The following PPCDC variants were observed in gnomAD, a reference collection of about 807,000 sequenced individuals.
The protein encoded by PPCDC is phosphopantothenoylcysteine decarboxylase.
A neutral mutation model predicts 20.7 loss-of-function variants in PPCDC; 20 were observed. The ratio of observed to expected loss-of-function variants is 0.97; its 90% CI spans 0.68 to 1.41. PPCDC has a LOEUF of 1.41. PPCDC is among the 40% of genes most tolerant of loss of function. PPCDC has a pLI of 0.00. For synonymous variants in PPCDC, 88 were observed against 100.3 expected, an observed-to-expected ratio of 0.88 and a Z score of 0.73; for missense variants, 246 against 263.8, an observed-to-expected ratio of 0.93 and a Z score of 0.47.
rs144347088 is a variant in PPCDC, at chr15:75,028,331, G to C, written c.13G>C (p.Ala5Pro). 6 of 1,613,948 alleles carry C rather than the reference G, an allele frequency of 3.7e-6. No individual in the cohort carries two copies. Among genetic ancestry groups the C allele is most frequent in the East Asian group, 2.2e-5 (1 of 44,896 alleles). The change falls in exon 2 of 6, where the codon GCC becomes CCC. Residue 5 changes from alanine to proline, a missense_variant. Ala to Pro is a conservative substitution (Grantham distance 27, BLOSUM62 -1). Transcript: ENST00000342932. Reference sequence around the variant, plus strand: ...CACCAGACCCCACATGGAACCAAAGGCCTCCTGTCCAGCTGCTGCACCCTT... The same window carrying C: ...CACCAGACCCCACATGGAACCAAAGCCCTCCTGTCCAGCTGCTGCACCCTT... MEPK[A>P]SCPAAAPLME...
At chr15:75,027,504 G>A (rs1275078204) in intron 1 of PPCDC, among the ~76,000 whole-genome samples, 1 of 152,030 alleles carries the variant, frequency 6.6e-6, no homozygotes, top group Admixed American at 6.6e-5. Context: ...TTGATTAACA[G>A]GGACAGGGAC....
intron 2 of PPCDC, among the ~76,000 whole-genome samples, chr15:75,028,831 T>G (rs1256301979): frequency 6.6e-6 from 1 of 152,152 alleles, no homozygotes; most frequent in Non-Finnish European, 1.5e-5. Flanking sequence ...CATCCCTGCT[T>G]TCATTCCGCC....
intron 2 of PPCDC, among the ~76,000 whole-genome samples, chr15:75,029,843 G>C (rs541684722): frequency 9.8e-4 from 150 of 152,294 alleles, no homozygotes; most frequent in South Asian, 7.2e-3. Context: ...CCCAGGGCAA[G>C]TGAGTTTCCG....
chr15:75,041,047 C>T lies in PPCDC; in HGVS notation c.136-2394C>T, dbSNP rs1003738062. The stretch of plus-strand genomic sequence containing the variant: ...CTTTATGTGTAGATTGAATTTCCTT[C>T]TGTGGGTTTGAAAGGTAAAGGTTAT... On this transcript the variant is annotated intron_variant, in intron 2 of 5. Coordinates refer to ENST00000342932, the MANE Select transcript of PPCDC (RefSeq NM_021823.5). Among the ~76,000 whole-genome samples the T allele has an allele frequency of 3.9e-5, 6 of 152,146 alleles. No individual in the cohort carries two copies. The South Asian group carries it at 8.3e-4, about 21-fold the overall frequency.
At chr15:75,045,393 C>A (rs1249061476) in intron 4 of PPCDC, among the ~76,000 whole-genome samples, 1 of 152,220 alleles carries the variant, frequency 6.6e-6, no homozygotes, top group African/African-American at 2.4e-5. Flanking sequence ...CCAGTCAGTC[C>A]TTTCTATGGA....
intron 2 of PPCDC, among the ~76,000 whole-genome samples, chr15:75,042,161 T>C (rs981430717): frequency 6.6e-5 from 10 of 152,236 alleles, no homozygotes; most frequent in Non-Finnish European, 1.5e-4. Flanking sequence ...ACATGGCCCA[T>C]GACTATAGCT....
chr15:75,048,416 G>C lies in PPCDC; in HGVS notation c.361-137G>C. 4.2e-6 allele frequency: 5 copies of C among 1,190,792 alleles called. No homozygotes were observed. In the South Asian group the frequency reaches 7.6e-5, roughly 18 times the overall value. The allele number at this position is 1,190,792 out of a possible 1,614,324, so 73.8% of individuals were successfully genotyped here. A position where few individuals can be genotyped will look rare whatever the true frequency, so the allele number is the denominator to read the frequency against. On this transcript the variant is annotated intron_variant, in intron 4 of 5. Coordinates refer to ENST00000342932, the MANE Select transcript of PPCDC (RefSeq NM_021823.5). ...GACATAGCCCCCACCCCTGAGGGAT[G>C]AGACAGCTCCCTGCAGGCAGGCTGT...
At chr15:75,046,345 C>G (rs541888902) in intron 4 of PPCDC, among the ~76,000 whole-genome samples, 16 of 152,278 alleles carry the variant, frequency 1.1e-4, no homozygotes, top group Non-Finnish European at 2.4e-4. Flanking sequence ...CACCATCTCA[C>G]CAAATCTCCA....
intron 2 of PPCDC, among the ~76,000 whole-genome samples, chr15:75,032,733 C>CCCT (rs1555413328): frequency 7.3e-6 from 1 of 137,064 alleles, no homozygotes; most frequent in African/African-American, 2.9e-5. Flanking sequence ...GACCCCCCCC[C>CCCT]CCAAGGCCAA....
chr15:75,044,694 C>CA, intron 4 of PPCDC, 180 bp downstream of exon 4: 1 of 809,160 alleles, frequency 1.2e-6, no homozygotes, highest in Non-Finnish European at 1.9e-6. Context: ...CACATGGGCA[C>CA]AGCCCTGGTC....
chr15:75,038,836 C>T (rs771609420), intron 2 of PPCDC, among the ~76,000 whole-genome samples: 1 of 151,982 alleles, frequency 6.6e-6, no homozygotes, highest in East Asian at 1.9e-4. Context: ...TCAATTTTCT[C>T]ATCTTTTTTC....
chr15:75,044,329 G>A, intron 3 of PPCDC, 57 bp from the exon 4 acceptor site: 1 of 1,600,664 alleles, frequency 6.2e-7, no homozygotes, highest in South Asian at 1.1e-5. Context: ...TACCTGGCCT[G>A]CCTTGGCGCT....
At chr15:75,026,084 TTAAC>T (rs1391787416) in intron 1 of PPCDC, among the ~76,000 whole-genome samples, 1 of 152,126 alleles carries the variant, frequency 6.6e-6, no homozygotes, top group Non-Finnish European at 1.5e-5. Context: ...TGCCCCAAGT[TTAAC>T]TGACTGCTTT....
At chr15:75,028,046 C>T in intron 1 of PPCDC, 1 of 447,058 alleles carries the variant, frequency 2.2e-6, no homozygotes, top group Non-Finnish European at 4.0e-6. Flanking sequence ...AGCCCTTCCC[C>T]ACAGCACTGC....
intron 2 of PPCDC, among the ~76,000 whole-genome samples, chr15:75,040,583 A>G (rs182829864): frequency 5.4e-4 from 82 of 152,274 alleles, no homozygotes; most frequent in Middle Eastern, 3.4e-3. Context: ...AGCCTGTTAT[A>G]TATTTACTAT....
chr15:75,032,727 C>A (rs1389145019), intron 2 of PPCDC, among the ~76,000 whole-genome samples: 2 of 123,114 alleles, frequency 1.6e-5, no homozygotes, highest in Non-Finnish European at 3.3e-5. Context: ...AAACTGGACC[C>A]CCCCCCCCAA....
intron 2 of PPCDC, among the ~76,000 whole-genome samples, chr15:75,033,516 T>TG (rs578113060): frequency 1.8e-3 from 219 of 118,734 alleles, no homozygotes; most frequent in Non-Finnish European, 3.0e-3. Context: ...TGTGTGTGTG[T>TG]TTTTTTGTTT....
At position 75,028,403 on chromosome 15, in the gene PPCDC, G is replaced by A. The variant is rs758416402; in HGVS notation, c.85G>A (p.Ala29Thr). 2.6e-5 allele frequency: 42 copies of A among 1,614,074 alleles called. No individual in the cohort carries two copies. Among genetic ancestry groups the A allele is most frequent in the East Asian group, 1.3e-4 (6 of 44,896 alleles). ...TCTTGTGGGTGTCACGGGGAGTGTC[G>A]CAGCCCTGAAGTTGCCTCTTCTGGT... ...HVLVGVTGSVAALKLPLLVSK... is the reference protein window; with the variant it reads ...HVLVGVTGSVTALKLPLLVSK... Residue 29 changes from alanine (A) to threonine (T), a missense_variant, in exon 2 of 6, where the codon GCA becomes ACA. Ala to Thr is a moderately conservative substitution (Grantham distance 58, BLOSUM62 0). Transcript: ENST00000342932.
chr15:75,026,567 T>C (rs1450918374), intron 1 of PPCDC, among the ~76,000 whole-genome samples: 2 of 152,174 alleles, frequency 1.3e-5, no homozygotes, highest in Non-Finnish European at 2.9e-5. Flanking sequence ...TGTGCTCAAG[T>C]GCTGAAGGCA....
Sources: allele counts gnomAD v4.1 joint callset (sites outside exome capture counted in the v4.1 genomes callset), GRCh38; gene constraint gnomAD v4.1.1; transcripts MANE v1.5; gene names NCBI Gene and HGNC (gene_info 2026-07-23, HGNC 2026-07-21).